Variants in RBM5 observed in about 807,000 individuals in gnomAD.
The protein encoded by RBM5 is RNA-binding protein 5.
A neutral mutation model predicts 124.6 loss-of-function variants in RBM5; 15 were observed. That is an observed-to-expected ratio of 0.12 (90% CI 0.08 to 0.19). RBM5 has a LOEUF of 0.19. Ranked by LOEUF, RBM5 falls within the 10% of genes least tolerant of loss-of-function variation. RBM5 has a pLI of 1.00. For missense variants in RBM5, 580 were observed against 1,026.5 expected, an observed-to-expected ratio of 0.57 and a Z score of 5.94; for synonymous variants, 337 against 361.2, an observed-to-expected ratio of 0.93 and a Z score of 0.76.
rs765421279 is a variant in RBM5, at chr3:50,110,743, A to G, written c.1428A>G (p.Thr476=). Residue 476 remains threonine (T), a synonymous_variant, in exon 17 of 25, where the codon ACA becomes ACG. Coordinates refer to ENST00000347869, the MANE Select transcript of RBM5 (RefSeq NM_005778.4). ...ESSGYYYDPT[T]GLYYDPNSQY... is the part of the protein sequence containing the mutation. ...CAGGATATTACTATGATCCGACAAC[A>G]GGGCTCTATTATGACCCCAACTCGC... 8 of 1,613,330 alleles carry G rather than the reference A, an allele frequency of 5.0e-6. No individual in the cohort carries two copies. In the South Asian group the frequency reaches 7.7e-5, roughly 16 times the overall value.
At chr3:50,102,057 C>T (rs2090950310) in intron 6 of RBM5, 1 of 152,142 alleles carries the variant, frequency 6.6e-6, no homozygotes, top group African/African-American at 2.4e-5. Flanking sequence ...TTGCAAGAAC[C>T]AAATTGCTCA....
rs1174198518 is a variant in RBM5, at chr3:50,100,540, C to T, written c.418C>T (p.Arg140Cys). ...RLMKRKTGVS[R>C]GFAFVEFYHL... ...CTGAATGCTGTCTCTAGGTGTAAGC[C>T]GTGGTTTCGCCTTCGTGGAGTTTTA... is the stretch of plus-strand genomic sequence containing the variant. The change falls in exon 6 of 25, where the codon CGT (arginine) becomes TGT (cysteine). Residue 140 changes from arginine to cysteine, a missense_variant. Arg to Cys is a radical substitution (Grantham distance 180). Around this residue, in one of 6 missense-constraint regions of RBM5, gnomAD observed 101 missense variants for 223.2 expected, o/e 0.45. Transcript: ENST00000347869. The surrounding 1 kb of genome is among the most constrained non-coding windows in gnomAD (Gnocchi z 5.1). 5.6e-6 allele frequency: 9 copies of T among 1,611,016 alleles called. No individual in the cohort carries two copies. Among genetic ancestry groups the T allele is most frequent in the Non-Finnish European group, 1.7e-6 (2 of 1,177,438 alleles).
intron 17 of RBM5, 104 bp downstream of exon 17, chr3:50,110,874 G>T: frequency 2.3e-6 from 2 of 881,308 alleles, no homozygotes. Context: ...ATATGACTCA[G>T]ATTAGTTTTA....
chr3:50,117,281 G>A lies in RBM5; in HGVS notation c.2224G>A (p.Asp742Asn). 1 of 1,614,184 alleles carries A rather than the reference G, an allele frequency of 6.2e-7. No homozygotes were observed. The highest frequency in any genetic ancestry group is 8.5e-7 in the Non-Finnish European group (1 of 1,180,052). ...CGAGCAACCCACCAAAGATGGCATT[G>A]ACCACAGTAACATTGGCAACAAGAT... The part of the protein sequence containing the change: ...NYEQPTKDGI[D>N]HSNIGNKMLQ... The change falls in exon 24 of 25, where the codon GAC (aspartate) becomes AAC (asparagine). Residue 742 changes from aspartate (D) to asparagine (N), a missense_variant. By Grantham distance (23) the Asp-to-Asn change is conservative (BLOSUM62 1). Around this residue, in one of 6 missense-constraint regions of RBM5, gnomAD observed 234 missense variants for 435.1 expected, o/e 0.54. Transcript: ENST00000347869. The surrounding 1 kb of genome is among the most constrained non-coding windows in gnomAD (Gnocchi z 4.2).
Position 50,105,724 on chromosome 3 carries a change from G to A in RBM5, c.855+15G>A, listed in dbSNP as rs529804080. 1.5e-5 allele frequency: 24 copies of A among 1,610,428 alleles called. No individual in the cohort carries two copies. In the East Asian group the frequency reaches 2.5e-4, roughly 16 times the overall value. ...CCTCTGCAATGGTGAGGTTCTCATCGATTCTTTCCTTTTTAAAAGAAACAG... is the reference window on the plus strand; with the variant it reads ...CCTCTGCAATGGTGAGGTTCTCATCAATTCTTTCCTTTTTAAAAGAAACAG... On this transcript the variant is annotated intron_variant, in intron 10 of 24. Coordinates refer to ENST00000347869, the MANE Select transcript of RBM5 (RefSeq NM_005778.4).
intron 4 of RBM5, chr3:50,094,110 T>C: frequency 2.4e-6 from 1 of 414,932 alleles, no homozygotes; most frequent in South Asian, 4.2e-5. Flanking sequence ...GTATTTTGTA[T>C]ATGTCTTATA....
At position 50,110,738 on chromosome 3, in the gene RBM5, A is replaced by G. The variant is rs1687607025; in HGVS notation, c.1423A>G (p.Thr475Ala). 3 of 1,613,564 alleles carry G rather than the reference A, an allele frequency of 1.9e-6. No individual in the cohort carries two copies. The African/African-American group carries it at 4.0e-5, about 22-fold the overall frequency. ...DESSGYYYDPTTGLYYDPNSQ... is the reference protein window; with the variant it reads ...DESSGYYYDPATGLYYDPNSQ... The stretch of plus-strand genomic sequence containing the variant: ...ATCTTCAGGATATTACTATGATCCG[A>G]CAACAGGGCTCTATTATGACCCCAA... Residue 475 changes from threonine to alanine, a missense_variant, in exon 17 of 25, where the codon ACA (threonine) becomes GCA (alanine). Around this residue, in one of 6 missense-constraint regions of RBM5, gnomAD observed 234 missense variants for 435.1 expected, o/e 0.54. Transcript: ENST00000347869.
chr3:50,088,938 C>G lies in RBM5; in HGVS notation c.-145C>G, dbSNP rs1004297371. ...TGAGGTACTGTGGGTAGGAGACGGC[C>G]GTCGGCGGAGGCGCCATTTTGTGTA... On this transcript the variant is annotated 5_prime_UTR_variant, in exon 1 of 25. Coordinates refer to ENST00000347869, the MANE Select transcript of RBM5 (RefSeq NM_005778.4). 6.6e-6 allele frequency: 1 copy of G among 152,248 alleles called. No individual in the cohort carries two copies. Among genetic ancestry groups the G allele is most frequent in the Non-Finnish European group, 1.5e-5 (1 of 68,096 alleles). 9.4% of individuals were successfully genotyped at this position (152,248 alleles called of 1,614,324 possible).
intron 14 of RBM5, among the ~76,000 whole-genome samples, chr3:50,108,870 C>G (rs757853679): frequency 6.6e-6 from 1 of 152,124 alleles, no homozygotes; most frequent in Non-Finnish European, 1.5e-5. Context: ...CTGTATTTCC[C>G]CTCTCTGTGT....
intron 11 of RBM5, chr3:50,107,215 T>C: frequency 1.7e-6 from 1 of 604,642 alleles, no homozygotes; most frequent in South Asian, 1.8e-5. Flanking sequence ...AGTGCTTAAC[T>C]CTAACACGGT....
intron 12 of RBM5, 100 bp from the exon 13 acceptor site, chr3:50,107,970 G>A (rs2091070519): frequency 1.9e-6 from 2 of 1,030,126 alleles, no homozygotes; most frequent in African/African-American, 3.2e-5. Context: ...ACAGCCGTGA[G>A]CCACAGCGCC....
At chr3:50,112,763 G>A (rs1320982986) in intron 17 of RBM5, 1 of 152,286 alleles carries the variant, frequency 6.6e-6, no homozygotes, top group Non-Finnish European at 1.5e-5. Context: ...TATGTAAATA[G>A]TCTGTGGAAC....
rs769067582 is a variant in RBM5, at chr3:50,110,691, C to T, written c.1376C>T (p.Thr459Met). The stretch of plus-strand genomic sequence containing the variant: ...TTTGTTTTTGCAGCAGTACCTGACA[C>T]GTCCACTTACCAGTATGATGAATCT... ...VPGTKYAVPD[T>M]STYQYDESSG... Residue 459 changes from threonine to methionine, a missense_variant, in exon 17 of 25, where the codon ACG becomes ATG. Physicochemically the swap from Thr to Met is moderately conservative, Grantham distance 81. Coordinates refer to ENST00000347869, the MANE Select transcript of RBM5 (RefSeq NM_005778.4). 3.1e-5 allele frequency: 50 copies of T among 1,612,696 alleles called. No homozygotes were observed. Among genetic ancestry groups the T allele is most frequent in the Non-Finnish European group, 4.2e-5 (49 of 1,179,120 alleles).
intron 21 of RBM5, 57 bp downstream of exon 21, chr3:50,115,664 A>T (rs899886284): frequency 5.2e-6 from 8 of 1,549,278 alleles, no homozygotes; most frequent in Non-Finnish European, 7.0e-6. Flanking sequence ...AGACAATTTG[A>T]GTGCCCTAAC....
intron 24 of RBM5, 64 bp from the exon 25 acceptor site, chr3:50,118,267 G>T: frequency 1.2e-6 from 2 of 1,600,032 alleles, no homozygotes. Context: ...TAAGGAGTGG[G>T]CATGGTGAGA....
rs1198799823 is a variant in RBM5 at position 50,118,389 on chromosome 3, C to T, written c.2381C>T (p.Ser794Leu). The change falls in exon 25 of 25, where the codon TCG (serine) becomes TTG (leucine). Residue 794 changes from serine to leucine, a missense_variant. Ser to Leu is a moderately radical substitution (Grantham distance 145, BLOSUM62 -2). Transcript: ENST00000347869. ...LGAKGSAYGL[S>L]GADSYKDAVR... ...GCCAAAGGCAGCGCATATGGTTTGT[C>T]GGGCGCCGATTCCTACAAAGATGCT... is the stretch of plus-strand genomic sequence containing the variant. 9.3e-6 allele frequency: 15 copies of T among 1,613,928 alleles called. No homozygotes were observed. The highest frequency in any genetic ancestry group is 6.7e-5 in the East Asian group (3 of 44,884).
chr3:50,093,981 T>G, intron 4 of RBM5, 106 bp downstream of exon 4: 229 of 1,265,722 alleles, frequency 1.8e-4, no homozygotes, highest in Non-Finnish European at 2.4e-4. Context: ...CAATAGAGGT[T>G]GAGTATCCCT....
intron 20 of RBM5, 154 bp from the exon 21 acceptor site, chr3:50,115,274 C>T (rs948833767): frequency 2.6e-5 from 23 of 876,106 alleles, no homozygotes; most frequent in Non-Finnish European, 3.6e-5. Flanking sequence ...GACTGCTCCA[C>T]GCAGTTGACA....
At chr3:50,116,136 C>T in intron 22 of RBM5, 156 bp downstream of exon 22, 1 of 663,236 alleles carries the variant, frequency 1.5e-6, no homozygotes. Context: ...TAGACCCAGC[C>T]TCTGTGTGCC....
Sources: gnomAD v4.1 joint callset for allele counts (sites outside exome capture counted in the v4.1 genomes callset) on GRCh38, gnomAD v4.1.1 for gene constraint, gnomAD v4.1.1 regional missense constraint, Gnocchi (gnomAD v3.1) non-coding constraint, MANE v1.5 for transcripts, NCBI Gene and HGNC (gene_info 2026-07-23, HGNC 2026-07-21) for gene names.